Variants in CDH4 observed in about 807,000 individuals in gnomAD.
CDH4 encodes cadherin-4.
Under a neutral mutation model 86.0 loss-of-function variants are expected in CDH4, and 33 were observed. That is an observed-to-expected ratio of 0.38 (90% CI 0.29 to 0.51). The LOEUF (loss-of-function observed/expected upper bound fraction) is 0.51, where lower values mean the gene tolerates loss of function less well. CDH4 is among the 20% of genes least tolerant of loss of function. The probability of loss-of-function intolerance (pLI) is 0.86; values close to 1 mark genes in which losing one functional copy is unlikely to be tolerated. For missense variants in CDH4, 1,114 were observed against 1,307.4 expected, an observed-to-expected ratio of 0.85 and a Z score of 2.28; for synonymous variants, 555 against 549.4, an observed-to-expected ratio of 1.01 and a Z score of -0.14.
chr20:61,506,450 T>A (rs1359048932), intron 2 of CDH4, among the ~76,000 whole-genome samples: 1 of 152,232 alleles, frequency 6.6e-6, no homozygotes, highest in Non-Finnish European at 1.5e-5. Context: ...GTAAAAGAAA[T>A]TTGAAGAATA....
intron 2 of CDH4, among the ~76,000 whole-genome samples, chr20:61,649,167 T>C (rs2087095541): frequency 6.6e-6 from 1 of 152,230 alleles, no homozygotes; most frequent in South Asian, 2.1e-4. Context: ...TGTCTGCCAG[T>C]GGGCTCTTCC....
At chr20:61,820,681 G>A (rs960411670) in intron 4 of CDH4, among the ~76,000 whole-genome samples, 10 of 152,116 alleles carry the variant, frequency 6.6e-5, no homozygotes, top group Admixed American at 5.9e-4. Context: ...TCTTGCCCTC[G>A]CAGCCCCTCA....
At chr20:61,876,614 T>A (rs760811613) in intron 7 of CDH4, among the ~76,000 whole-genome samples, 2 of 152,058 alleles carry the variant, frequency 1.3e-5, no homozygotes, top group Non-Finnish European at 2.9e-5. Flanking sequence ...AGTCTTCCCT[T>A]AGGGCCGGGG....
intron 2 of CDH4, among the ~76,000 whole-genome samples, chr20:61,532,941 G>GGGGCT (rs2085966941): frequency 6.6e-6 from 1 of 152,148 alleles, no homozygotes; most frequent in African/African-American, 2.4e-5. Context: ...GGTACGGGCC[G>GGGGCT]GGGCTGGGCT....
chr20:61,393,259 G>A lies in CDH4; in HGVS notation c.169+138322G>A, dbSNP rs2084996732. On this transcript the variant is annotated intron_variant, in intron 2 of 15. Coordinates refer to ENST00000614565, the MANE Select transcript of CDH4 (RefSeq NM_001794.5). This position sits in a 1 kb window ranked among gnomAD's most constrained non-coding sequence, Gnocchi z 4.3. ...GACCCAGTGTTCCCTCCAACAAGAG[G>A]CCATCTCACGGGCGAGCCCACACAC... Among the ~76,000 whole-genome samples the A allele has an allele frequency of 6.6e-6, 1 of 152,074 alleles. No individual in the cohort carries two copies. Among genetic ancestry groups the A allele is most frequent in the Admixed American group, 6.5e-5 (1 of 15,274 alleles).
At chr20:61,713,300 A>G (rs1312702833) in intron 2 of CDH4, among the ~76,000 whole-genome samples, 1 of 152,170 alleles carries the variant, frequency 6.6e-6, no homozygotes, top group Non-Finnish European at 1.5e-5. Context: ...TTCAAGGTGC[A>G]TGGGGTGTCT....
intron 2 of CDH4, among the ~76,000 whole-genome samples, chr20:61,568,506 G>A (rs1283518246): frequency 6.6e-6 from 1 of 152,206 alleles, no homozygotes; most frequent in Non-Finnish European, 1.5e-5. Flanking sequence ...TCTCAGGTAG[G>A]TATTAGCAGC....
chr20:61,490,809 A>G (rs753334776), intron 2 of CDH4, among the ~76,000 whole-genome samples: 1 of 152,180 alleles, frequency 6.6e-6, no homozygotes, highest in East Asian at 1.9e-4. Context: ...TCTAATTGTC[A>G]TGTGATGAAT....
chr20:61,605,440 C>CCT (rs1264712252), intron 2 of CDH4, among the ~76,000 whole-genome samples: 1 of 150,350 alleles, frequency 6.7e-6, no homozygotes, highest in Admixed American at 6.6e-5. Flanking sequence ...TATCTGTCTC[C>CCT]CTCTCTCTCT....
chr20:61,812,584 C>T (rs751652471), intron 4 of CDH4, among the ~76,000 whole-genome samples: 2 of 152,010 alleles, frequency 1.3e-5, no homozygotes, highest in Non-Finnish European at 2.9e-5. Context: ...CCATCGCAAA[C>T]ATAGTCTTAA....
chr20:61,713,039 C>T (rs1165400695), intron 2 of CDH4, among the ~76,000 whole-genome samples: 1 of 152,206 alleles, frequency 6.6e-6, no homozygotes, highest in Non-Finnish European at 1.5e-5. Flanking sequence ...GAAAGCAGGT[C>T]AAGTGTCCAC....
intron 2 of CDH4, among the ~76,000 whole-genome samples, chr20:61,396,332 A>G (rs1055427006): frequency 1.3e-5 from 2 of 152,156 alleles, no homozygotes; most frequent in Non-Finnish European, 2.9e-5. Context: ...GAGACCTAGC[A>G]GGCAGGGAGC....
chr20:61,279,695 C>T (rs1415321049), intron 2 of CDH4, among the ~76,000 whole-genome samples: 1 of 152,162 alleles, frequency 6.6e-6, no homozygotes, highest in Non-Finnish European at 1.5e-5. Context: ...GTAGACATGG[C>T]CCATCCTTCC....
intron 2 of CDH4, among the ~76,000 whole-genome samples, chr20:61,534,648 C>CTTTCTTTTTTTTTTTTTTTTTTTT (rs1568881693): frequency 3.7e-5 from 4 of 108,384 alleles, no homozygotes; most frequent in African/African-American, 1.1e-4. Flanking sequence ...TTCTTTCTTT[C>CTTTCTTTTTTTTTTTTTTTTTTTT]TTTTCTTTCT....
At chr20:61,915,731 G>A (rs958308062) in intron 9 of CDH4, among the ~76,000 whole-genome samples, 5 of 152,206 alleles carry the variant, frequency 3.3e-5, no homozygotes, top group Admixed American at 1.3e-4. Flanking sequence ...ATGCTTTGCT[G>A]GTGGGTGGAG....
chr20:61,770,739 C>T (rs903392694), intron 3 of CDH4, among the ~76,000 whole-genome samples: 15 of 152,008 alleles, frequency 9.9e-5, no homozygotes, highest in East Asian at 2.0e-4. Context: ...AAAAATTAGC[C>T]GGGCGTGGTG....
intron 2 of CDH4, among the ~76,000 whole-genome samples, chr20:61,687,815 G>A (rs531922054): frequency 3.9e-5 from 6 of 152,302 alleles, no homozygotes; most frequent in Middle Eastern, 3.4e-3. Flanking sequence ...ATTACAATGT[G>A]TCTAGGGCAT....
intron 2 of CDH4, among the ~76,000 whole-genome samples, chr20:61,338,739 A>G (rs1033890659): frequency 6.6e-6 from 1 of 152,226 alleles, no homozygotes; most frequent in African/African-American, 2.4e-5. Context: ...ATTATACTTA[A>G]TAGTTCCCCA....
At chr20:61,883,478 G>A (rs1171176471) in intron 7 of CDH4, among the ~76,000 whole-genome samples, 2 of 152,044 alleles carry the variant, frequency 1.3e-5, no homozygotes, top group Non-Finnish European at 2.9e-5. Flanking sequence ...ACCCCTCAGT[G>A]CCCAGGACAC....
Sources: allele counts gnomAD v4.1 joint callset (sites outside exome capture counted in the v4.1 genomes callset), GRCh38; gene constraint gnomAD v4.1.1; non-coding constraint Gnocchi (gnomAD v3.1); transcripts MANE v1.5; gene names NCBI Gene and HGNC (gene_info 2026-07-23, HGNC 2026-07-21).